Variants in SLC43A2 observed in about 807,000 individuals in gnomAD.
The protein encoded by SLC43A2 is solute carrier family 43 member 2.
SLC43A2 carries 38 observed loss-of-function variants against 63.2 expected under a neutral mutation model. That is an observed-to-expected ratio of 0.60 (90% CI 0.46 to 0.79). SLC43A2 has a LOEUF of 0.79. SLC43A2 is among the 30% of genes least tolerant of loss of function. The pLI, the probability that SLC43A2 is intolerant of heterozygous loss-of-function variation, is 0.00. For missense variants in SLC43A2, 644 were observed against 756.2 expected (o/e 0.85, Z 1.74); for synonymous variants, 322 against 331.0 (o/e 0.97, Z 0.30).
intron 5 of SLC43A2, among the ~76,000 whole-genome samples, chr17:1,612,119 C>T (rs192878719): frequency 9.9e-4 from 151 of 152,110 alleles, no homozygotes; most frequent in African/African-American, 3.4e-3. Flanking sequence ...ATGCACCACC[C>T]GCCCGGCTAA....
At chr17:1,587,615 G>A (rs1157270126) in intron 9 of SLC43A2, among the ~76,000 whole-genome samples, 1 of 152,196 alleles carries the variant, frequency 6.6e-6, no homozygotes, top group South Asian at 2.1e-4. Context: ...GGCTGCTCCA[G>A]TGTCTTAAGA....
intron 2 of SLC43A2, among the ~76,000 whole-genome samples, chr17:1,622,637 G>A (rs1392864148): frequency 3.3e-5 from 5 of 152,032 alleles, no homozygotes; most frequent in African/African-American, 1.2e-4. Context: ...CCTTGAGCTG[G>A]GCGCAGTGGC....
At chr17:1,594,241 C>T (rs1243623370) in intron 5 of SLC43A2, among the ~76,000 whole-genome samples, 4 of 152,186 alleles carry the variant, frequency 2.6e-5, no homozygotes, top group Non-Finnish European at 4.4e-5. Flanking sequence ...CTCTTCCCAA[C>T]GAAGCCACTC....
intron 9 of SLC43A2, among the ~76,000 whole-genome samples, chr17:1,590,239 G>A (rs2151043165): frequency 6.6e-6 from 1 of 152,036 alleles, no homozygotes; most frequent in East Asian, 1.9e-4. Context: ...GTTTGGAAAA[G>A]TGGACTGTGG....
intron 2 of SLC43A2, among the ~76,000 whole-genome samples, chr17:1,622,932 AAAATAC>A (rs1231185255): frequency 6.6e-6 from 1 of 150,978 alleles, no homozygotes; most frequent in Non-Finnish European, 1.5e-5. Flanking sequence ...AAAATAAAAT[AAAATAC>A]AAATACAAAT....
chr17:1,626,554 A>G (rs1908682723), intron 2 of SLC43A2, among the ~76,000 whole-genome samples: 2 of 152,104 alleles, frequency 1.3e-5, no homozygotes, highest in Admixed American at 1.3e-4. Context: ...GAACCTCTCC[A>G]GCTAAGCCTC....
At chr17:1,600,152 A>ATATATATATATATATATT (rs1216616243) in intron 5 of SLC43A2, among the ~76,000 whole-genome samples, 1 of 60,280 alleles carries the variant, frequency 1.7e-5, no homozygotes, top group Non-Finnish European at 3.2e-5. Context: ...ATATATATAT[A>ATATATATATATATATATT]TTTTTTTTTT....
chr17:1,583,153 T>G lies in SLC43A2; in HGVS notation c.1350+51A>C, dbSNP rs947175010. ...TACACACTTTTGAGTCTTTACATGT[T>G]CCTTCTGACTGCCCCACCTCCCACC... On this transcript the variant is annotated intron_variant, in intron 11 of 13. Transcript: ENST00000301335. This position sits in a 1 kb window ranked among gnomAD's most constrained non-coding sequence, Gnocchi z 5.5. 6.3e-7 allele frequency: 1 copy of G among 1,586,548 alleles called. No individual in the cohort carries two copies. Among genetic ancestry groups the G allele is most frequent in the African/African-American group, 1.3e-5 (1 of 74,444 alleles).
At chr17:1,579,929 G>C (rs749476102) in intron 11 of SLC43A2, among the ~76,000 whole-genome samples, 9 of 151,918 alleles carry the variant, frequency 5.9e-5, no homozygotes, top group Non-Finnish European at 1.2e-4. Context: ...GCACGCATCA[G>C]GCTTTCCTTT....
intron 2 of SLC43A2, among the ~76,000 whole-genome samples, chr17:1,619,551 G>A (rs1022254153): frequency 5.9e-5 from 9 of 152,200 alleles, no homozygotes; most frequent in Non-Finnish European, 1.3e-4. Context: ...GGCAGACGGG[G>A]TCCTCGAGCC....
chr17:1,614,411 T>TAAAACAA (rs113433427), intron 4 of SLC43A2, among the ~76,000 whole-genome samples: 18 of 150,270 alleles, frequency 1.2e-4, no homozygotes, highest in Middle Eastern at 3.4e-3. Context: ...ACCCTGTCTC[T>TAAAACAA]AAAACAAAAC....
intron 2 of SLC43A2, among the ~76,000 whole-genome samples, chr17:1,621,961 G>C (rs1183494589): frequency 6.6e-6 from 1 of 152,230 alleles, no homozygotes; most frequent in Non-Finnish European, 1.5e-5. Context: ...GGTGGGAATG[G>C]GACTAAGACT....
chr17:1,618,343 G>GT (rs1219424351), intron 2 of SLC43A2, among the ~76,000 whole-genome samples: 1 of 152,246 alleles, frequency 6.6e-6, no homozygotes, highest in East Asian at 1.9e-4. Context: ...ACCTCCTAGA[G>GT]TGTGGGGGAA....
chr17:1,604,644 G>A (rs1435106137), intron 5 of SLC43A2: 35 of 1,336,514 alleles, frequency 2.6e-5, no homozygotes, highest in Non-Finnish European at 3.5e-5. Flanking sequence ...GAGCAGCTGA[G>A]ACTACAGGGG....
At chr17:1,581,202 C>CCACACACACACACACACACACACACA (rs376885169) in intron 11 of SLC43A2, among the ~76,000 whole-genome samples, 10 of 148,364 alleles carry the variant, frequency 6.7e-5, no homozygotes, top group African/African-American at 5.0e-5. Context: ...TGCCCAGTGC[C>CCACACACACACACACACACACACACA]CACACACACA....
chr17:1,590,777 G>A (rs913106915), intron 9 of SLC43A2, 25 bp downstream of exon 9: 3 of 1,550,316 alleles, frequency 1.9e-6, no homozygotes, highest in East Asian at 4.8e-5. Flanking sequence ...GAGTGACAGC[G>A]ACCGAGGCTG....
chr17:1,579,379 T>C (rs2075979481), intron 11 of SLC43A2, among the ~76,000 whole-genome samples: 1 of 151,064 alleles, frequency 6.6e-6, no homozygotes, highest in Non-Finnish European at 1.5e-5. Context: ...GAGAATCGCT[T>C]GAACCGGGGA....
At position 1,583,898 on chromosome 17, in the gene SLC43A2, C is replaced by G. The variant is rs1034929779; in HGVS notation, c.1218-562G>C. 2.0e-5 allele frequency among the ~76,000 whole-genome samples: 3 copies of G among 151,308 alleles called. No individual in the cohort carries two copies. The highest frequency in any genetic ancestry group is 4.4e-5 in the Non-Finnish European group (3 of 67,714). ...TTTTGTTTTGTTTTGTTTTTTTGTTCTTTGGGTTTTTTTTTGAGATGGAGT... is the reference window on the plus strand; with the variant it reads ...TTTTGTTTTGTTTTGTTTTTTTGTTGTTTGGGTTTTTTTTTGAGATGGAGT... On this transcript the variant is annotated intron_variant, in intron 10 of 13. Coordinates refer to ENST00000301335, the MANE Select transcript of SLC43A2 (RefSeq NM_152346.3). The surrounding 1 kb of genome is among the most constrained non-coding windows in gnomAD (Gnocchi z 5.5).
intron 6 of SLC43A2, among the ~76,000 whole-genome samples, chr17:1,592,022 G>A (rs1904865239): frequency 1.3e-5 from 2 of 152,214 alleles, no homozygotes. Context: ...CGGTGCTCCT[G>A]GTCCGTCGGC....
Sources: allele counts gnomAD v4.1 joint callset (sites outside exome capture counted in the v4.1 genomes callset), GRCh38; gene constraint gnomAD v4.1.1; non-coding constraint Gnocchi (gnomAD v3.1); transcripts MANE v1.5; gene names NCBI Gene and HGNC (gene_info 2026-07-23, HGNC 2026-07-21).